TAF4B: variants seen among roughly 807,000 people sequenced by gnomAD.
The protein encoded by TAF4B is transcription initiation factor TFIID subunit 4B.
In TAF4B, 38 loss-of-function variants were observed where a neutral mutation model predicts 86.4. The observed-to-expected ratio is 0.44, with a 90% CI of 0.34 to 0.58. TAF4B has a LOEUF of 0.58. Among genes scored for constraint, TAF4B ranks in the 20% least tolerant of loss-of-function variants. The pLI is 0.02. For missense variants in TAF4B, 988 were observed against 1,027.6 expected, an observed-to-expected ratio of 0.96 and a Z score of 0.53; for synonymous variants, 388 against 391.2, an observed-to-expected ratio of 0.99 and a Z score of 0.10.
chr18:26,300,357 T>C (rs936302915), intron 9 of TAF4B, among the ~76,000 whole-genome samples: 6 of 148,460 alleles, frequency 4.0e-5, no homozygotes, highest in Non-Finnish European at 7.4e-5. Context: ...TTTAAAATTA[T>C]ACATTTCCTC....
At chr18:26,280,638 GA>G (rs1295576085) in intron 5 of TAF4B, among the ~76,000 whole-genome samples, 1 of 152,096 alleles carries the variant, frequency 6.6e-6, no homozygotes, top group African/African-American at 2.4e-5. Context: ...CTGTTACTAA[GA>G]AGTCAAAAAA....
chr18:26,320,102 T>C (rs953912904), intron 10 of TAF4B, among the ~76,000 whole-genome samples: 5 of 152,214 alleles, frequency 3.3e-5, no homozygotes, highest in Admixed American at 3.3e-4. Context: ...TTCAAGCATA[T>C]TTTTTCTGTA....
chr18:26,354,289 G>T (rs536282158), intron 13 of TAF4B, among the ~76,000 whole-genome samples: 13 of 152,292 alleles, frequency 8.5e-5, no homozygotes, highest in African/African-American at 2.6e-4. Context: ...GGCCAGGCTG[G>T]TGCGAACTCC....
chr18:26,382,581 A>T (rs960714858), intron 14 of TAF4B, among the ~76,000 whole-genome samples: 1 of 152,084 alleles, frequency 6.6e-6, no homozygotes, highest in Non-Finnish European at 1.5e-5. Flanking sequence ...AGGACTTTAC[A>T]TACCCCACCT....
intron 1 of TAF4B, among the ~76,000 whole-genome samples, chr18:26,241,551 A>G (rs961610880): frequency 4.6e-5 from 7 of 151,876 alleles, no homozygotes; most frequent in Non-Finnish European, 8.8e-5. Context: ...GGATTCTTTG[A>G]TTTTTTTGAA....
chr18:26,360,482 A>G (rs1323322410), intron 14 of TAF4B, among the ~76,000 whole-genome samples: 1 of 152,118 alleles, frequency 6.6e-6, no homozygotes, highest in African/African-American at 2.4e-5. Context: ...TTTTTCCTTT[A>G]AAAAATGCCA....
At position 26,327,141 on chromosome 18, in the gene TAF4B, G is replaced by T; in HGVS notation, c.2259+1G>T. The T allele has an allele frequency of 6.2e-7, 1 of 1,610,344 alleles. No individual in the cohort carries two copies. On this transcript the variant is annotated splice_donor_variant, in intron 12 of 14. Transcript: ENST00000269142. LOFTEE classifies it high-confidence loss of function. ...AGAAATGTTACTTAAGGCAGCCAAG[G>T]TAAGGGCCAGTGTGATTTATGAGTG...
At chr18:26,236,268 G>T (rs1324740458) in intron 1 of TAF4B, among the ~76,000 whole-genome samples, 3 of 152,222 alleles carry the variant, frequency 2.0e-5, no homozygotes, top group Non-Finnish European at 4.4e-5. Flanking sequence ...GAAGGTGGGA[G>T]AAATACCTGG....
intron 13 of TAF4B, among the ~76,000 whole-genome samples, chr18:26,347,312 A>C (rs903583018): frequency 6.6e-6 from 1 of 152,188 alleles, no homozygotes. Context: ...ATTCATCACC[A>C]TTAGACAAGG....
intron 1 of TAF4B, among the ~76,000 whole-genome samples, chr18:26,256,819 C>CT (rs146699043): frequency 0.32 from 45,222 of 141,918 alleles, 8,745 homozygotes; most frequent in Non-Finnish European, 0.45. Flanking sequence ...AGTTACCCCA[C>CT]TTTTTTTTTT....
At chr18:26,257,156 A>T (rs1478961759) in intron 1 of TAF4B, among the ~76,000 whole-genome samples, 1 of 152,094 alleles carries the variant, frequency 6.6e-6, no homozygotes, top group Non-Finnish European at 1.5e-5. Flanking sequence ...TTTTCTGTTT[A>T]GTTCTATTCT....
At chr18:26,371,630 G>C (rs895874819) in intron 14 of TAF4B, among the ~76,000 whole-genome samples, 5 of 152,206 alleles carry the variant, frequency 3.3e-5, no homozygotes, top group African/African-American at 1.2e-4. Flanking sequence ...ATATTGGCTA[G>C]GTGATCATGG....
intron 14 of TAF4B, among the ~76,000 whole-genome samples, chr18:26,361,700 G>T (rs1298045588): frequency 6.9e-6 from 1 of 145,880 alleles, no homozygotes; most frequent in South Asian, 2.2e-4. Flanking sequence ...AGCCGAGATC[G>T]CGCCACTCCC....
intron 9 of TAF4B, among the ~76,000 whole-genome samples, chr18:26,295,654 G>A (rs1163058883): frequency 6.6e-6 from 1 of 152,170 alleles, no homozygotes; most frequent in Non-Finnish European, 1.5e-5. Flanking sequence ...GGGGGCTGGG[G>A]ACCCCTGTCC....
At chr18:26,320,798 C>T (rs960365980) in intron 10 of TAF4B, among the ~76,000 whole-genome samples, 3 of 152,052 alleles carry the variant, frequency 2.0e-5, no homozygotes, top group African/African-American at 7.2e-5. Context: ...GATTTGTGTT[C>T]TTATTAACTT....
intron 14 of TAF4B, among the ~76,000 whole-genome samples, chr18:26,370,015 T>G (rs1447447587): frequency 2.6e-5 from 4 of 152,212 alleles, no homozygotes; most frequent in African/African-American, 9.6e-5. Flanking sequence ...GCAAAACTTG[T>G]AGACAGTAGA....
intron 1 of TAF4B, chr18:26,255,709 T>C: frequency 1.3e-6 from 2 of 1,585,520 alleles, no homozygotes; most frequent in East Asian, 2.2e-5. Context: ...CACTCCTGAG[T>C]GGAGATGGGC....
At chr18:26,322,542 A>G (rs1350021329) in intron 11 of TAF4B, among the ~76,000 whole-genome samples, 1 of 151,916 alleles carries the variant, frequency 6.6e-6, no homozygotes, top group African/African-American at 2.4e-5. Context: ...GACTGTTAAT[A>G]ATACTGTCTT....
At chr18:26,297,355 CAT>C (rs1442984520) in intron 9 of TAF4B, among the ~76,000 whole-genome samples, 1 of 152,124 alleles carries the variant, frequency 6.6e-6, no homozygotes, top group Non-Finnish European at 1.5e-5. Context: ...CTCTGATTGA[CAT>C]GTGAAGGTGG....
Sources: allele counts gnomAD v4.1 joint callset (sites outside exome capture counted in the v4.1 genomes callset), GRCh38; gene constraint gnomAD v4.1.1; transcripts MANE v1.5; gene names NCBI Gene and HGNC (gene_info 2026-07-23, HGNC 2026-07-21).